Variants in UBR3 observed in about 807,000 individuals in gnomAD.
The protein encoded by UBR3 is E3 ubiquitin-protein ligase UBR3.
In UBR3, 85 loss-of-function variants were observed where a neutral mutation model predicts 243.2. The observed-to-expected ratio is 0.35, with a 90% CI of 0.29 to 0.42. The LOEUF is 0.42. Ranked by LOEUF, UBR3 falls within the 10% of genes least tolerant of loss-of-function variation. UBR3 has a pLI of 1.00. For synonymous variants in UBR3, 748 were observed against 799.8 expected (o/e 0.94, Z 1.09); for missense variants, 1,686 against 2,300.8 (o/e 0.73, Z 5.47).
At chr2:169,858,279 C>A (rs2082960699) in intron 1 of UBR3, among the ~76,000 whole-genome samples, 1 of 152,170 alleles carries the variant, frequency 6.6e-6, no homozygotes, top group Admixed American at 6.5e-5. Context: ...CATTTTCTAA[C>A]CATGTGGGCT....
At chr2:169,959,965 A>G (rs2087487864) in intron 24 of UBR3, among the ~76,000 whole-genome samples, 1 of 152,138 alleles carries the variant, frequency 6.6e-6, no homozygotes. Context: ...AAAATGTTGC[A>G]TAAGGCTGGG....
intron 8 of UBR3, among the ~76,000 whole-genome samples, chr2:169,903,240 C>T (rs1383514511): frequency 6.6e-6 from 1 of 152,136 alleles, no homozygotes; most frequent in Non-Finnish European, 1.5e-5. Context: ...GCGTTTTTTA[C>T]AAGAACAGTA....
chr2:170,003,498 G>T (rs867718686), intron 27 of UBR3, among the ~76,000 whole-genome samples: 18 of 152,158 alleles, frequency 1.2e-4, no homozygotes, highest in South Asian at 6.2e-4. Context: ...AGTATCTACA[G>T]TGTTCCAGAT....
chr2:169,877,463 T>C, intron 3 of UBR3, 31 bp from the exon 4 acceptor site: 1 of 1,511,406 alleles, frequency 6.6e-7, no homozygotes, highest in Non-Finnish European at 8.8e-7. Flanking sequence ...AATGGAATAT[T>C]TTTTTCTGAT....
In UBR3 at chr2:169,907,397, T is replaced by C. The variant is rs191585329; in HGVS notation, c.1779+1233T>C. 2.7e-4 allele frequency among the ~76,000 whole-genome samples: 41 copies of C among 152,336 alleles called. 1 individual carries two copies. The Middle Eastern group carries it at 0.01, about 38-fold the overall frequency. On this transcript the variant is annotated intron_variant, in intron 10 of 38. Transcript: ENST00000272793. ...TGTCATTTAATGGTATCTTAAATTA[T>C]GTAATTGTCCATTCTGGAAACTTTC...
At chr2:169,985,348 C>T (rs551406415) in intron 24 of UBR3, among the ~76,000 whole-genome samples, 5 of 151,890 alleles carry the variant, frequency 3.3e-5, no homozygotes, top group Admixed American at 3.3e-4. Flanking sequence ...CCTGCCTTAG[C>T]CTTCCAAGTA....
chr2:170,061,016 T>C (rs1436382822), intron 33 of UBR3, 63 bp from the exon 34 acceptor site: 1 of 1,114,320 alleles, frequency 9.0e-7, no homozygotes, highest in Non-Finnish European at 1.2e-6. Flanking sequence ...TTAAAAATTA[T>C]TTCCAATGTA....
chr2:169,967,148 A>G (rs1019852448), intron 24 of UBR3, among the ~76,000 whole-genome samples: 1 of 152,162 alleles, frequency 6.6e-6, no homozygotes, highest in African/African-American at 2.4e-5. Flanking sequence ...TACAGTAGTA[A>G]GTGTGGAACA....
At chr2:169,945,740 G>A (rs557278193) in intron 20 of UBR3, among the ~76,000 whole-genome samples, 1 of 152,288 alleles carries the variant, frequency 6.6e-6, no homozygotes, top group East Asian at 1.9e-4. Context: ...TGTGTAAGAT[G>A]TATAAGGCTT....
At chr2:170,017,601 T>A (rs2090284855) in intron 30 of UBR3, among the ~76,000 whole-genome samples, 1 of 150,762 alleles carries the variant, frequency 6.6e-6, no homozygotes. Context: ...AAGGGAAGAT[T>A]GTTCTTTCTA....
At chr2:169,883,238 C>G (rs2083961032) in intron 5 of UBR3, among the ~76,000 whole-genome samples, 1 of 152,142 alleles carries the variant, frequency 6.6e-6, no homozygotes, top group African/African-American at 2.4e-5. Context: ...ATGGCTCACT[C>G]ATAGGGCTGA....
chr2:170,066,893 G>C (rs1329589647), intron 35 of UBR3, among the ~76,000 whole-genome samples: 1 of 151,766 alleles, frequency 6.6e-6, no homozygotes, highest in Non-Finnish European at 1.5e-5. Flanking sequence ...GAACCCAGGA[G>C]GCAGAGCTTG....
chr2:170,023,331 T>C (rs183531796), intron 30 of UBR3, among the ~76,000 whole-genome samples: 1 of 152,276 alleles, frequency 6.6e-6, no homozygotes, highest in East Asian at 1.9e-4. Context: ...AAGACTGAAG[T>C]CTTGAATACA....
At chr2:169,950,607 T>C (rs1442597567) in intron 23 of UBR3, among the ~76,000 whole-genome samples, 1 of 149,912 alleles carries the variant, frequency 6.7e-6, no homozygotes, top group Non-Finnish European at 1.5e-5. Flanking sequence ...TTTTCATCTT[T>C]TGACTTTCTT....
At chr2:169,845,422 CAAA>C (rs1201691579) in intron 1 of UBR3, among the ~76,000 whole-genome samples, 1 of 74,020 alleles carries the variant, frequency 1.4e-5, no homozygotes, top group Non-Finnish European at 2.7e-5. Context: ...GACCCCATCT[CAAA>C]AAAAAAAAAA....
intron 19 of UBR3, among the ~76,000 whole-genome samples, chr2:169,941,168 T>C (rs996015781): frequency 6.6e-6 from 1 of 152,172 alleles, no homozygotes; most frequent in Non-Finnish European, 1.5e-5. Flanking sequence ...TCTCATCACA[T>C]AGGCATTTTA....
chr2:169,827,881 C>A lies in UBR3; in HGVS notation c.374C>A (p.Thr125Lys). 2 of 1,517,702 alleles carry A rather than the reference C, an allele frequency of 1.3e-6. No homozygotes were observed. The highest frequency in any genetic ancestry group is 1.8e-6 in the Non-Finnish European group (2 of 1,136,324). The allele number at this position is 1,517,702 out of a possible 1,614,324, so 94.0% of individuals were successfully genotyped here. A position where few individuals can be genotyped will look rare whatever the true frequency, so the allele number is the denominator to read the frequency against. ...GCGGCGCTCTGCGGCCTGGTCTGGA[C>A]AGCCAACTTCGTGGCCTACCGCTGC... is the stretch of plus-strand genomic sequence containing the variant. ...DPAALCGLVW[T>K]ANFVAYRCRT... The change falls in exon 1 of 39, where the codon ACA becomes AAA. Residue 125 changes from threonine (T) to lysine (K), a missense_variant. Coordinates refer to ENST00000272793, the MANE Select transcript of UBR3 (RefSeq NM_172070.4).
intron 2 of UBR3, among the ~76,000 whole-genome samples, chr2:169,872,695 G>A (rs2105310268): frequency 6.6e-6 from 1 of 152,164 alleles, no homozygotes; most frequent in Admixed American, 6.5e-5. Context: ...TGATAAAGCA[G>A]AATTGAGAAC....
At chr2:169,878,453 T>C in intron 4 of UBR3, 72 bp from the exon 5 acceptor site, 1 of 1,410,838 alleles carries the variant, frequency 7.1e-7, no homozygotes, top group South Asian at 1.3e-5. Context: ...TATTTGTATT[T>C]CTCAGAATAA....
Sources: gnomAD v4.1 joint callset for allele counts (sites outside exome capture counted in the v4.1 genomes callset) on GRCh38, gnomAD v4.1.1 for gene constraint, MANE v1.5 for transcripts, NCBI Gene and HGNC (gene_info 2026-07-23, HGNC 2026-07-21) for gene names.